The following BMPR1B variants were observed in gnomAD, a reference collection of about 807,000 sequenced individuals.
BMPR1B encodes bone morphogenetic protein receptor type 1B.
In BMPR1B, 12 loss-of-function variants were observed where a neutral mutation model predicts 59.1. The ratio of observed to expected loss-of-function variants is 0.20; its 90% CI spans 0.13 to 0.33. The LOEUF (loss-of-function observed/expected upper bound fraction) is 0.33. BMPR1B is among the 10% of genes least tolerant of loss of function. The probability of loss-of-function intolerance (pLI) is 1.00; values close to 1 mark genes in which losing one functional copy is unlikely to be tolerated. For synonymous variants in BMPR1B, 237 were observed against 207.3 expected, an observed-to-expected ratio of 1.14 and a Z score of -1.23; for missense variants, 550 against 610.9, an observed-to-expected ratio of 0.90 and a Z score of 1.05.
intron 2 of BMPR1B, among the ~76,000 whole-genome samples, chr4:94,951,424 C>T (rs576028512): frequency 6.6e-6 from 1 of 152,190 alleles, no homozygotes; most frequent in African/African-American, 2.4e-5. Flanking sequence ...ACAAATAGCT[C>T]TTATTATTTT....
At chr4:94,864,464 T>C (rs1245632971) in intron 1 of BMPR1B, among the ~76,000 whole-genome samples, 1 of 152,232 alleles carries the variant, frequency 6.6e-6, no homozygotes, top group East Asian at 1.9e-4. Context: ...GGAAGTCATT[T>C]TGGATATTAG....
rs375252938 is a variant in BMPR1B, at chr4:94,942,896, C to CT, written c.-112-53143dup. Among the ~76,000 whole-genome samples, 144 of 152,344 alleles carry CT rather than the reference C, an allele frequency of 9.5e-4. 2 individuals are homozygous for CT. The highest frequency in any genetic ancestry group is 3.3e-3 in the African/African-American group (139 of 41,578). Reference sequence around the variant, plus strand: ...AACTGATTAGGATCTAGGGAACTATCTAACACTTTCTCCGCATATACATGA... The same window carrying CT: ...AACTGATTAGGATCTAGGGAACTATCTTAACACTTTCTCCGCATATACATGA... On this transcript the variant is annotated intron_variant, in intron 2 of 12. Coordinates refer to ENST00000515059, the MANE Select transcript of BMPR1B (RefSeq NM_001203.3).
chr4:95,110,666 A>G (rs1013856286), intron 4 of BMPR1B, among the ~76,000 whole-genome samples: 2 of 152,164 alleles, frequency 1.3e-5, no homozygotes, highest in Non-Finnish European at 2.9e-5. Context: ...ATCAGTAGAA[A>G]ACACTTAGGC....
intron 2 of BMPR1B, among the ~76,000 whole-genome samples, chr4:94,985,932 G>GT (rs1243767966): frequency 6.6e-6 from 1 of 152,180 alleles, no homozygotes; most frequent in Non-Finnish European, 1.5e-5. Context: ...GAGTTGGACC[G>GT]TAAGAGAGGT....
chr4:95,101,949 A>T (rs1048422286), intron 3 of BMPR1B, among the ~76,000 whole-genome samples: 1 of 151,996 alleles, frequency 6.6e-6, no homozygotes, highest in Non-Finnish European at 1.5e-5. Flanking sequence ...TTTTTCTCTT[A>T]TTATAGTGGG....
intron 2 of BMPR1B, among the ~76,000 whole-genome samples, chr4:94,906,679 A>G (rs1175582521): frequency 6.6e-6 from 1 of 152,178 alleles, no homozygotes; most frequent in East Asian, 1.9e-4. Flanking sequence ...AGAAAGATGC[A>G]TCCTTTCATT....
At position 95,154,715 on chromosome 4, in the gene BMPR1B, T is replaced by C. The variant is rs745676484; in HGVS notation, c.*42T>C. 5.6e-6 allele frequency: 9 copies of C among 1,611,082 alleles called. No homozygotes were observed. The highest frequency in any genetic ancestry group is 3.3e-4 in the Middle Eastern group (2 of 6,056). ...AGCATCTCTGCAGAAAGCCAACAGG[T>C]ACTCTTCTGTTTGTGGGCAGAGCAA... is the stretch of plus-strand genomic sequence containing the variant. On this transcript the variant is annotated 3_prime_UTR_variant, in exon 13 of 13. Coordinates refer to ENST00000515059, the MANE Select transcript of BMPR1B (RefSeq NM_001203.3).
At chr4:94,853,278 C>CT (rs1725631645) in intron 1 of BMPR1B, among the ~76,000 whole-genome samples, 1 of 152,060 alleles carries the variant, frequency 6.6e-6, no homozygotes, top group South Asian at 2.1e-4. Flanking sequence ...GAAGCTTGAC[C>CT]TTTATGTGTG....
chr4:95,102,437 A>G (rs967281930), intron 3 of BMPR1B, among the ~76,000 whole-genome samples: 22 of 152,354 alleles, frequency 1.4e-4, no homozygotes, highest in African/African-American at 4.8e-4. Context: ...TGCATCATAA[A>G]TGAATTTTTA....
intron 3 of BMPR1B, among the ~76,000 whole-genome samples, chr4:95,008,481 T>C (rs1245204491): frequency 6.6e-6 from 1 of 152,154 alleles, no homozygotes; most frequent in Non-Finnish European, 1.5e-5. Context: ...ACATGGAAAG[T>C]GCAGATTGTT....
At chr4:94,918,934 G>T (rs375729305) in intron 2 of BMPR1B, among the ~76,000 whole-genome samples, 21 of 151,950 alleles carry the variant, frequency 1.4e-4, no homozygotes, top group Admixed American at 3.9e-4. Flanking sequence ...TTTTGCTGTT[G>T]GGAACCTGGC....
chr4:94,819,184 G>A (rs1724116708), intron 1 of BMPR1B, among the ~76,000 whole-genome samples: 2 of 151,800 alleles, frequency 1.3e-5, no homozygotes, highest in Admixed American at 1.3e-4. Context: ...TTGGGTCAGA[G>A]CATACAGATT....
At chr4:94,926,671 A>G (rs1728900681) in intron 2 of BMPR1B, among the ~76,000 whole-genome samples, 1 of 151,814 alleles carries the variant, frequency 6.6e-6, no homozygotes, top group East Asian at 1.9e-4. Context: ...AACTGTCACT[A>G]TTTTCTTGAA....
intron 2 of BMPR1B, among the ~76,000 whole-genome samples, chr4:94,962,123 C>T (rs867588089): frequency 3.2e-5 from 4 of 124,262 alleles, no homozygotes; most frequent in African/African-American, 1.6e-4. Flanking sequence ...TTCCTTCCTT[C>T]TTTCCTTCCT....
At position 94,769,994 on chromosome 4, in the gene BMPR1B, G is replaced by A. The variant is rs115753063; in HGVS notation, c.-183+11926G>A. Among the ~76,000 whole-genome samples the A allele has an allele frequency of 4.3e-3, 651 of 152,186 alleles. 4 individuals are homozygous for A. The highest frequency in any genetic ancestry group is 0.015 in the African/African-American group (630 of 41,522). On this transcript the variant is annotated intron_variant, in intron 1 of 12. Coordinates refer to ENST00000515059, the MANE Select transcript of BMPR1B (RefSeq NM_001203.3). ...GCTGAAGTATGGCAGCATTTCCTTA[G>A]CACTCTGCTTTGTCCATGCTGTCCA...
In BMPR1B at chr4:94,846,110, A is replaced by G. The variant is rs115484890; in HGVS notation, c.-182-29721A>G. 6.6e-3 allele frequency among the ~76,000 whole-genome samples: 1,009 copies of G among 152,314 alleles called. 10 individuals carry two copies. Among genetic ancestry groups the G allele is most frequent in the African/African-American group, 0.023 (941 of 41,560 alleles). Reference sequence around the variant, plus strand: ...AACAGCATGGCACTGGCATAAAAACAGATACATGTTACCAGTCAAACAGAA... The same window carrying G: ...AACAGCATGGCACTGGCATAAAAACGGATACATGTTACCAGTCAAACAGAA... On this transcript the variant is annotated intron_variant, in intron 1 of 12. Coordinates refer to ENST00000515059, the MANE Select transcript of BMPR1B (RefSeq NM_001203.3).
At chr4:95,068,780 A>G (rs1359512519) in intron 3 of BMPR1B, among the ~76,000 whole-genome samples, 2 of 152,098 alleles carry the variant, frequency 1.3e-5, no homozygotes, top group African/African-American at 4.8e-5. Flanking sequence ...ACTTCCTGGG[A>G]TGTCATTCCC....
chr4:94,864,592 A>G (rs1044298668), intron 1 of BMPR1B, among the ~76,000 whole-genome samples: 2 of 152,166 alleles, frequency 1.3e-5, no homozygotes, highest in Non-Finnish European at 2.9e-5. Flanking sequence ...TTAAAAAACA[A>G]ATTGTATGTA....
At position 95,155,630 on chromosome 4, in the gene BMPR1B, T is replaced by C. The variant is rs964194671; in HGVS notation, c.*957T>C. ...TTCAAATAGAGGTAATTTGCTCTTG[T>C]GTTGTAAGAGGAACATGTCAACAAA... On this transcript the variant is annotated 3_prime_UTR_variant, in exon 13 of 13. Coordinates refer to ENST00000515059, the MANE Select transcript of BMPR1B (RefSeq NM_001203.3). 1 of 151,904 alleles carries C rather than the reference T, an allele frequency of 6.6e-6. No homozygotes were observed. The highest frequency in any genetic ancestry group is 2.4e-5 in the African/African-American group (1 of 41,328). The allele number at this position is 151,904 out of a possible 1,614,324, so 9.4% of individuals were successfully genotyped here. A position where few individuals can be genotyped will look rare whatever the true frequency, so the allele number is the denominator to read the frequency against.
Sources: gnomAD v4.1 joint callset for allele counts (sites outside exome capture counted in the v4.1 genomes callset) on GRCh38, gnomAD v4.1.1 for gene constraint, MANE v1.5 for transcripts, NCBI Gene and HGNC (gene_info 2026-07-23, HGNC 2026-07-21) for gene names.